DPP8: variants seen among roughly 807,000 people sequenced by gnomAD.
DPP8 encodes DPP VIII.
A neutral mutation model predicts 107.5 loss-of-function variants in DPP8; 31 were observed. The ratio of observed to expected loss-of-function variants is 0.29; its 90% CI spans 0.22 to 0.39. The LOEUF is 0.39. Among genes scored for constraint, DPP8 ranks in the 10% least tolerant of loss-of-function variants. The pLI is 1.00. For missense variants in DPP8, 842 were observed against 1,076.1 expected (o/e 0.78, Z 3.04); for synonymous variants, 381 against 356.6 (o/e 1.07, Z -0.77).
intron 5 of DPP8, 106 bp downstream of exon 5, chr15:65,497,758 A>T: frequency 1.1e-6 from 1 of 900,310 alleles, no homozygotes; most frequent in Non-Finnish European, 1.6e-6. Context: ...TTGAATTTCA[A>T]ATATAAAGAT....
chr15:65,447,217 A>G (rs2063544011), intron 19 of DPP8, among the ~76,000 whole-genome samples: 1 of 151,230 alleles, frequency 6.6e-6, no homozygotes, highest in Non-Finnish European at 1.5e-5. Flanking sequence ...TTATCTGTAG[A>G]CCAATGGTTT....
chr15:65,476,781 G>A (rs2140665091), intron 11 of DPP8, among the ~76,000 whole-genome samples: 1 of 152,236 alleles, frequency 6.6e-6, no homozygotes, highest in African/African-American at 2.4e-5. Context: ...GCCAAAAGGT[G>A]GAACCAATCC....
chr15:65,471,128 G>A (rs577038363), intron 12 of DPP8, among the ~76,000 whole-genome samples: 2 of 152,202 alleles, frequency 1.3e-5, no homozygotes, highest in African/African-American at 2.4e-5. Flanking sequence ...CACATAGCAC[G>A]AAATTTACAT....
At chr15:65,480,808 A>G (rs545264273) in intron 9 of DPP8, among the ~76,000 whole-genome samples, 14 of 152,052 alleles carry the variant, frequency 9.2e-5, no homozygotes, top group African/African-American at 2.7e-4. Context: ...TATATAAACA[A>G]AAGTTCTGCC....
chr15:65,476,359 CAT>C (rs1384323001), intron 11 of DPP8, among the ~76,000 whole-genome samples: 8 of 151,654 alleles, frequency 5.3e-5, no homozygotes, highest in African/African-American at 1.2e-4. Context: ...TATATGTTAA[CAT>C]ATAGATAACA....
chr15:65,506,384 G>A (rs1250077329), intron 3 of DPP8, among the ~76,000 whole-genome samples: 1 of 151,884 alleles, frequency 6.6e-6, no homozygotes, highest in Non-Finnish European at 1.5e-5. Context: ...ATAATAATGA[G>A]AACCAAAGAA....
At chr15:65,515,408 T>G (rs762276518) in intron 1 of DPP8, among the ~76,000 whole-genome samples, 2 of 152,214 alleles carry the variant, frequency 1.3e-5, no homozygotes, top group Non-Finnish European at 2.9e-5. Context: ...TCCTATTCTG[T>G]AAGTTCACAG....
chr15:65,489,413 C>CTTTCT (rs2067775338), intron 6 of DPP8, among the ~76,000 whole-genome samples: 4 of 104,260 alleles, frequency 3.8e-5, no homozygotes, highest in African/African-American at 1.5e-4. Flanking sequence ...ATATAATCTA[C>CTTTCT]TTTTTTTTTT....
At chr15:65,473,984 A>T (rs1399777094) in intron 12 of DPP8, among the ~76,000 whole-genome samples, 1 of 152,074 alleles carries the variant, frequency 6.6e-6, no homozygotes, top group East Asian at 1.9e-4. Context: ...CATGCCTGTA[A>T]TCCCAGCTAC....
At chr15:65,490,340 C>A in intron 5 of DPP8, 41 bp from the exon 6 acceptor site, 1 of 1,243,262 alleles carries the variant, frequency 8.0e-7, no homozygotes, top group Non-Finnish European at 1.2e-6. Flanking sequence ...AGAAAGCTAT[C>A]TTTTCATAGG....
chr15:65,473,014 G>A (rs72739493), intron 12 of DPP8, among the ~76,000 whole-genome samples: 30,685 of 151,948 alleles, frequency 0.2, 3,453 homozygotes, highest in African/African-American at 0.3. Flanking sequence ...ATCCAGCCTA[G>A]GCGACAAAGT....
chr15:65,484,640 C>T (rs1361897693), intron 8 of DPP8, among the ~76,000 whole-genome samples: 2 of 148,180 alleles, frequency 1.3e-5, no homozygotes, highest in African/African-American at 5.0e-5. Context: ...GCCTGTTAAA[C>T]CTTGGCTCTT....
intron 3 of DPP8, among the ~76,000 whole-genome samples, chr15:65,506,189 C>T (rs1175199218): frequency 1.3e-5 from 2 of 151,478 alleles, no homozygotes; most frequent in African/African-American, 2.4e-5. Context: ...ATTAGCTGGG[C>T]GTGGTGGCGC....
chr15:65,512,541 T>C lies in DPP8; in HGVS notation c.13A>G (p.Met5Val), dbSNP rs370750443. Residue 5 changes from methionine to valine, a missense_variant, in exon 2 of 20, where the codon ATG becomes GTG. Met to Val is a conservative substitution (Grantham distance 21). Transcript: ENST00000300141. The part of the protein sequence containing the change: MAAA[M>V]ETEQLGVEIF... ...TCAACACCCAGCTGTTCTGTTTCCA[T>C]TGCTGCTGCCATGTTGCATTTTCCT... The C allele has an allele frequency of 5.1e-5, 82 of 1,614,048 alleles. No homozygotes were observed. The highest frequency in any genetic ancestry group is 1.1e-4 in the East Asian group (5 of 44,896).
chr15:65,495,682 C>T (rs563753734), intron 5 of DPP8, among the ~76,000 whole-genome samples: 3 of 151,506 alleles, frequency 2.0e-5, no homozygotes, highest in African/African-American at 4.8e-5. Context: ...GGGTGTATCA[C>T]GAGGTCAGAA....
At chr15:65,486,161 T>G (rs1354732623) in intron 7 of DPP8, among the ~76,000 whole-genome samples, 1 of 147,820 alleles carries the variant, frequency 6.8e-6, no homozygotes, top group Middle Eastern at 3.4e-3. Flanking sequence ...CCCAGCACTT[T>G]GGGAGGCTGA....
intron 3 of DPP8, among the ~76,000 whole-genome samples, chr15:65,504,276 T>A (rs868826627): frequency 6.7e-6 from 1 of 149,326 alleles, no homozygotes; most frequent in African/African-American, 2.5e-5. Context: ...GGCAGGAGAA[T>A]CCCTTGAACC....
In DPP8 at chr15:65,488,441, TA is replaced by T. The variant is rs952535809; in HGVS notation, c.827-624del. Among the ~76,000 whole-genome samples the T allele has an allele frequency of 1.3e-3, 191 of 148,898 alleles. No homozygotes were observed. In the Middle Eastern group the frequency reaches 0.017, roughly 13 times the overall value. ...GGGCAACACGGCAATACCCCATCTC[TA>T]AAAAAAAATACAAAAATTAGCTGGG... On this transcript the variant is annotated intron_variant, in intron 6 of 19. Transcript: ENST00000300141.
chr15:65,515,251 C>T (rs531670488), intron 1 of DPP8, among the ~76,000 whole-genome samples: 53 of 152,312 alleles, frequency 3.5e-4, no homozygotes, highest in African/African-American at 1.2e-3. Context: ...TTATTATTCA[C>T]GTCACATCTT....
Sources: gnomAD v4.1 joint callset for allele counts (sites outside exome capture counted in the v4.1 genomes callset) on GRCh38, gnomAD v4.1.1 for gene constraint, MANE v1.5 for transcripts, NCBI Gene and HGNC (gene_info 2026-07-23, HGNC 2026-07-21) for gene names.